TAFA2: variants seen among roughly 807,000 people sequenced by gnomAD.
TAFA2 encodes TAFA chemokine like family member 2.
In TAFA2, 7 loss-of-function variants were observed where a neutral mutation model predicts 18.8. The observed-to-expected ratio is 0.37, with a 90% CI of 0.21 to 0.70. The LOEUF (loss-of-function observed/expected upper bound fraction) is 0.70. TAFA2 is among the 30% of genes least tolerant of loss of function. The probability of loss-of-function intolerance (pLI) is 0.53; values close to 1 mark genes in which losing one functional copy is unlikely to be tolerated. For missense variants in TAFA2, 122 were observed against 158.1 expected (o/e 0.77, Z 1.23); for synonymous variants, 60 against 54.2 (o/e 1.11, Z -0.47).
At chr12:61,959,488 G>T (rs1878809297) in intron 1 of TAFA2, among the ~76,000 whole-genome samples, 1 of 151,930 alleles carries the variant, frequency 6.6e-6, no homozygotes, top group Non-Finnish European at 1.5e-5. Flanking sequence ...GATTCCTTTT[G>T]TTATGTAGTC....
At chr12:61,905,823 C>G (rs144584768) in intron 1 of TAFA2, among the ~76,000 whole-genome samples, 131 of 152,096 alleles carry the variant, frequency 8.6e-4, no homozygotes, top group African/African-American at 3.0e-3. Context: ...TTATTAAATC[C>G]CCTAACAAAA....
At chr12:61,783,705 T>C (rs12310815) in intron 2 of TAFA2, among the ~76,000 whole-genome samples, 6,901 of 151,650 alleles carry the variant, frequency 0.046, 498 homozygotes, top group African/African-American at 0.16. Context: ...GTAGTTAGTA[T>C]TTAAAATTAT....
chr12:61,834,895 T>C (rs1357408470), intron 2 of TAFA2, among the ~76,000 whole-genome samples: 3 of 152,064 alleles, frequency 2.0e-5, no homozygotes, highest in East Asian at 1.9e-4. Context: ...CCTTAAATTA[T>C]ATAATTTATA....
intron 1 of TAFA2, among the ~76,000 whole-genome samples, chr12:62,002,164 C>T (rs756229816): frequency 3.9e-5 from 6 of 152,054 alleles, no homozygotes; most frequent in South Asian, 2.1e-4. Context: ...TGTTTCACTG[C>T]GTTTTCATAT....
At chr12:62,178,399 A>T (rs1016191325) in intron 1 of TAFA2, among the ~76,000 whole-genome samples, 1 of 152,208 alleles carries the variant, frequency 6.6e-6, no homozygotes, top group East Asian at 1.9e-4. Context: ...TTCTTAGAGT[A>T]GCTATTATAG....
At chr12:61,897,605 G>A (rs1025178785) in intron 1 of TAFA2, among the ~76,000 whole-genome samples, 1 of 152,002 alleles carries the variant, frequency 6.6e-6, no homozygotes, top group Non-Finnish European at 1.5e-5. Context: ...GATCTCATGA[G>A]AACTCACTCA....
At chr12:61,882,031 A>G (rs7134845) in intron 1 of TAFA2, among the ~76,000 whole-genome samples, 7,558 of 152,246 alleles carry the variant, frequency 0.05, 625 homozygotes, top group African/African-American at 0.17. Flanking sequence ...ATGGACTTCA[A>G]ATGAGTGCCA....
At chr12:61,984,933 A>G (rs980631661) in intron 1 of TAFA2, among the ~76,000 whole-genome samples, 14 of 152,246 alleles carry the variant, frequency 9.2e-5, no homozygotes, top group African/African-American at 3.4e-4. Context: ...AGAAATAAAC[A>G]TCCTATTTTT....
chr12:61,879,024 T>A (rs1292361605), intron 1 of TAFA2, among the ~76,000 whole-genome samples: 1 of 152,102 alleles, frequency 6.6e-6, no homozygotes, highest in African/African-American at 2.4e-5. Context: ...CAAAACCAGT[T>A]ATCCACCAGG....
intron 1 of TAFA2, among the ~76,000 whole-genome samples, chr12:61,989,688 G>T (rs142862455): frequency 1.5e-3 from 221 of 152,212 alleles, no homozygotes; most frequent in African/African-American, 5.1e-3. Context: ...GGTGTATCTG[G>T]CAAGCTTCCA....
Position 62,030,851 on chromosome 12 carries a change from A to G in TAFA2, c.-2+160408T>C, listed in dbSNP as rs147159349. Among the ~76,000 whole-genome samples, 852 of 152,214 alleles carry G rather than the reference A, an allele frequency of 5.6e-3. 4 individuals are homozygous for G. Among genetic ancestry groups the G allele is most frequent in the Middle Eastern group, 0.02 (6 of 294 alleles). ...TCTCAATAAATTCAAAGCAAATGGT[A>G]AAGGTAAGGCTTTGGGTTTCAGAAG... On this transcript the variant is annotated intron_variant, in intron 1 of 4. Transcript: ENST00000416284.
At chr12:62,088,875 T>G (rs56351333) in intron 1 of TAFA2, among the ~76,000 whole-genome samples, 14,707 of 131,842 alleles carry the variant, frequency 0.11, 957 homozygotes, top group African/African-American at 0.2. Flanking sequence ...TACATATGTT[T>G]TTCTTTCTCT....
intron 1 of TAFA2, among the ~76,000 whole-genome samples, chr12:62,111,400 C>T (rs1654148700): frequency 6.6e-6 from 1 of 152,146 alleles, no homozygotes; most frequent in Non-Finnish European, 1.5e-5. Context: ...GAGTGTTTTA[C>T]TTCCAAGTAT....
At chr12:61,721,058 T>G in intron 4 of TAFA2, 1 of 419,146 alleles carries the variant, frequency 2.4e-6, no homozygotes. Flanking sequence ...CCAAAAAAGC[T>G]CACAGTGGGG....
chr12:61,876,721 A>AGTAGTTATGTGTCAAAAAGAAT (rs1458129768), intron 1 of TAFA2, among the ~76,000 whole-genome samples: 3 of 152,154 alleles, frequency 2.0e-5, no homozygotes, highest in Non-Finnish European at 4.4e-5. Flanking sequence ...AAAAAAAGAT[A>AGTAGTTATGTGTCAAAAAGAAT]GTAGTTATGT....
At chr12:62,245,889 A>C (rs1311097180) in intron 1 of TAFA2, among the ~76,000 whole-genome samples, 2 of 150,538 alleles carry the variant, frequency 1.3e-5, no homozygotes, top group Non-Finnish European at 3.0e-5. Context: ...CCTTAAGATA[A>C]AATTTTAGCT....
chr12:62,088,742 G>C (rs951984321), intron 1 of TAFA2, among the ~76,000 whole-genome samples: 1 of 151,654 alleles, frequency 6.6e-6, no homozygotes, highest in African/African-American at 2.4e-5. Flanking sequence ...CTAAAACCAA[G>C]AAACATATTT....
intron 2 of TAFA2, among the ~76,000 whole-genome samples, chr12:61,757,810 T>C (rs1869346322): frequency 6.6e-6 from 1 of 151,990 alleles, no homozygotes; most frequent in Non-Finnish European, 1.5e-5. Context: ...TGTTGAAAGG[T>C]CCAATTAAAA....
At chr12:61,867,092 C>T (rs1041597102) in intron 2 of TAFA2, among the ~76,000 whole-genome samples, 1 of 151,940 alleles carries the variant, frequency 6.6e-6, no homozygotes. Flanking sequence ...GTTCTATTTC[C>T]ATATTCTTTG....
Sources: gnomAD v4.1 joint callset for allele counts (sites outside exome capture counted in the v4.1 genomes callset) on GRCh38, gnomAD v4.1.1 for gene constraint, MANE v1.5 for transcripts, NCBI Gene and HGNC (gene_info 2026-07-23, HGNC 2026-07-21) for gene names.